Variants in GPC5 observed in about 807,000 individuals in gnomAD.
The protein encoded by GPC5 is glypican-5.
In GPC5, 47 loss-of-function variants were observed where a neutral mutation model predicts 53.9. That is an observed-to-expected ratio of 0.87 (90% CI 0.69 to 1.11). GPC5 has a LOEUF of 1.11. Among genes scored for constraint, GPC5 ranks in the 50% most tolerant of loss-of-function variants. The probability of loss-of-function intolerance (pLI) is 0.00; values close to 1 mark genes in which losing one functional copy is unlikely to be tolerated. For synonymous variants in GPC5, 286 were observed against 263.3 expected (o/e 1.09, Z -0.84); for missense variants, 748 against 713.1 (o/e 1.05, Z -0.56).
At chr13:92,080,254 C>T (rs971193145) in intron 6 of GPC5, among the ~76,000 whole-genome samples, 4 of 152,100 alleles carry the variant, frequency 2.6e-5, no homozygotes, top group Admixed American at 2.6e-4. Context: ...ATTTTCTCTC[C>T]AACCACATCC....
chr13:92,339,440 G>C (rs978486083), intron 7 of GPC5, among the ~76,000 whole-genome samples: 8 of 151,996 alleles, frequency 5.3e-5, no homozygotes, highest in African/African-American at 1.9e-4. Flanking sequence ...GATAAGACGG[G>C]CTCATCTTAT....
At chr13:91,491,488 C>A (rs1369229187) in intron 2 of GPC5, among the ~76,000 whole-genome samples, 1 of 152,192 alleles carries the variant, frequency 6.6e-6, no homozygotes, top group Admixed American at 6.5e-5. Flanking sequence ...ATTCCACTAA[C>A]CACATTAACT....
At position 92,474,821 on chromosome 13, in the gene GPC5, G is replaced by A. The variant is rs76054263; in HGVS notation, c.1561+329832G>A. On this transcript the variant is annotated intron_variant, in intron 7 of 7. Coordinates refer to ENST00000377067, the MANE Select transcript of GPC5 (RefSeq NM_004466.6). ...ACCCAAAGATACCTGGGCTTGATCT[G>A]TTTTAACAAAGTGAAGAAGACAGGA... Among the ~76,000 whole-genome samples the A allele has an allele frequency of 7.3e-3, 1,115 of 152,168 alleles. 4 individuals are homozygous for A. Among genetic ancestry groups the A allele is most frequent in the Middle Eastern group, 0.014 (4 of 294 alleles).
At chr13:92,514,163 A>G (rs1464408575) in intron 7 of GPC5, among the ~76,000 whole-genome samples, 1 of 82,800 alleles carries the variant, frequency 1.2e-5, no homozygotes, top group Non-Finnish European at 2.2e-5. Context: ...CCACACACAC[A>G]CCCAGGTCAT....
intron 2 of GPC5, among the ~76,000 whole-genome samples, chr13:91,563,751 C>G (rs2031396044): frequency 6.6e-6 from 1 of 151,970 alleles, no homozygotes; most frequent in South Asian, 2.1e-4. Context: ...TCTTTGCCTC[C>G]CTTCCCTCCT....
chr13:91,891,811 G>A lies in GPC5; in HGVS notation c.1281-16126G>A, dbSNP rs529920041. Among the ~76,000 whole-genome samples the A allele has an allele frequency of 2.0e-5, 3 of 152,152 alleles. No individual in the cohort carries two copies. In the South Asian group the frequency reaches 6.2e-4, roughly 32 times the overall value. On this transcript the variant is annotated intron_variant, in intron 5 of 7. Transcript: ENST00000377067. The stretch of plus-strand genomic sequence containing the variant: ...TGAATTCATCAGTTTCTTCATTACA[G>A]TTTAGTGTTTTATTTAGCTCATTTA...
At chr13:92,396,049 C>G (rs1875255198) in intron 7 of GPC5, among the ~76,000 whole-genome samples, 1 of 134,044 alleles carries the variant, frequency 7.5e-6, no homozygotes, top group Non-Finnish European at 1.6e-5. Flanking sequence ...TCAAATATTT[C>G]ATTCTGTTGT....
At chr13:91,722,123 GGCATCTTTAA>G (rs2036486972) in intron 3 of GPC5, among the ~76,000 whole-genome samples, 1 of 152,022 alleles carries the variant, frequency 6.6e-6, no homozygotes, top group Non-Finnish European at 1.5e-5. Context: ...CTTAAACAAA[GGCATCTTTAA>G]AACTGGAAAT....
rs9589545 is a variant in GPC5 at position 92,461,735 on chromosome 13, G to C, written c.1561+316746G>C. Among the ~76,000 whole-genome samples, 627 of 152,266 alleles carry C rather than the reference G, an allele frequency of 4.1e-3. 1 individual carries two copies. The highest frequency in any genetic ancestry group is 0.012 in the African/African-American group (503 of 41,552). On this transcript the variant is annotated intron_variant, in intron 7 of 7. Transcript: ENST00000377067. The stretch of plus-strand genomic sequence containing the variant: ...CTTCATGAGCACACAACAGGATGAT[G>C]CCAACTTACAAACTAGGAAGAGGAC...
At chr13:92,698,000 T>C (rs1208658957) in intron 7 of GPC5, among the ~76,000 whole-genome samples, 1 of 152,052 alleles carries the variant, frequency 6.6e-6, no homozygotes, top group African/African-American at 2.4e-5. Flanking sequence ...ATGGATTACG[T>C]TTATTGATTT....
intron 2 of GPC5, among the ~76,000 whole-genome samples, chr13:91,555,902 C>T (rs969044671): frequency 6.6e-6 from 1 of 152,034 alleles, no homozygotes; most frequent in Non-Finnish European, 1.5e-5. Flanking sequence ...ATTCAATTAT[C>T]TTCCATTAGG....
intron 6 of GPC5, among the ~76,000 whole-genome samples, chr13:92,064,447 A>G (rs757335796): frequency 3.0e-4 from 46 of 152,078 alleles, no homozygotes; most frequent in Non-Finnish European, 4.4e-4. Context: ...GAAACAGGAG[A>G]AGCTTAGAGA....
At chr13:91,571,796 TATATATACACACACATAC>T (rs1451186877) in intron 2 of GPC5, among the ~76,000 whole-genome samples, 3 of 118,180 alleles carry the variant, frequency 2.5e-5, no homozygotes, top group Admixed American at 8.3e-5. Context: ...TACGTGTGTG[TATATATACACACACATAC>T]GTGTGTGTAT....
intron 7 of GPC5, among the ~76,000 whole-genome samples, chr13:92,683,869 T>C (rs1887176807): frequency 6.6e-6 from 1 of 152,172 alleles, no homozygotes; most frequent in Admixed American, 6.5e-5. Context: ...TTAACATTAG[T>C]ATGTTACATT....
intron 2 of GPC5, among the ~76,000 whole-genome samples, chr13:91,640,143 G>A (rs920323999): frequency 1.3e-5 from 2 of 151,884 alleles, no homozygotes; most frequent in African/African-American, 4.8e-5. Flanking sequence ...TTAACTTTAT[G>A]TTTAAAATAC....
At chr13:91,464,827 A>G (rs1269160440) in intron 2 of GPC5, among the ~76,000 whole-genome samples, 2 of 152,114 alleles carry the variant, frequency 1.3e-5, no homozygotes, top group Non-Finnish European at 2.9e-5. Flanking sequence ...CAACACACAC[A>G]CACAAATGCA....
intron 7 of GPC5, among the ~76,000 whole-genome samples, chr13:92,399,801 T>C (rs1875474792): frequency 6.6e-6 from 1 of 152,192 alleles, no homozygotes; most frequent in Non-Finnish European, 1.5e-5. Context: ...CTTACTGTTA[T>C]TTAACTTTAT....
intron 2 of GPC5, among the ~76,000 whole-genome samples, chr13:91,659,556 A>G (rs2034933012): frequency 6.6e-6 from 1 of 152,240 alleles, no homozygotes; most frequent in African/African-American, 2.4e-5. Context: ...TCTAAGATAT[A>G]CCATTCATTT....
intron 7 of GPC5, among the ~76,000 whole-genome samples, chr13:92,291,027 C>T (rs1306183282): frequency 6.6e-6 from 1 of 152,124 alleles, no homozygotes; most frequent in Non-Finnish European, 1.5e-5. Context: ...GGGTTTAGCA[C>T]CTGGGCCAGC....
Sources: gnomAD v4.1 joint callset for allele counts (sites outside exome capture counted in the v4.1 genomes callset) on GRCh38, gnomAD v4.1.1 for gene constraint, MANE v1.5 for transcripts, NCBI Gene and HGNC (gene_info 2026-07-23, HGNC 2026-07-21) for gene names.